Variants in BRAF observed in about 807,000 individuals in gnomAD.
The protein encoded by BRAF is serine/threonine-protein kinase B-raf.
In BRAF, 16 loss-of-function variants were observed where a neutral mutation model predicts 104.6. The ratio of observed to expected loss-of-function variants is 0.15; its 90% CI spans 0.10 to 0.23. BRAF has a LOEUF of 0.23. Ranked by LOEUF, BRAF falls within the 10% of genes least tolerant of loss-of-function variation. BRAF has a pLI of 1.00. For synonymous variants in BRAF, 310 were observed against 341.6 expected, an observed-to-expected ratio of 0.91 and a Z score of 1.02; for missense variants, 541 against 937.3, an observed-to-expected ratio of 0.58 and a Z score of 5.52.
intron 8 of BRAF, among the ~76,000 whole-genome samples, chr7:140,790,062 T>C (rs1341737738): frequency 6.6e-6 from 1 of 151,956 alleles, no homozygotes; most frequent in Non-Finnish European, 1.5e-5. Context: ...ATGATAACTA[T>C]AGGACTTGGT....
intron 1 of BRAF, among the ~76,000 whole-genome samples, chr7:140,908,744 T>C (rs1816615401): frequency 6.6e-6 from 1 of 152,222 alleles, no homozygotes; most frequent in Admixed American, 6.5e-5. Flanking sequence ...ATAGAGTCAC[T>C]GGGGTCCCAT....
chr7:140,738,964 TG>T (rs201456160), intron 18 of BRAF, among the ~76,000 whole-genome samples: 1 of 126,624 alleles, frequency 7.9e-6, no homozygotes, highest in Admixed American at 7.7e-5. Flanking sequence ...CCTTCCAATA[TG>T]GAAAAAAAAA....
chr7:140,774,323 GTAGATGA>G (rs1214718430), intron 14 of BRAF, among the ~76,000 whole-genome samples: 2 of 152,156 alleles, frequency 1.3e-5, no homozygotes, highest in African/African-American at 4.8e-5. Flanking sequence ...GTGTTTCAGA[GTAGATGA>G]CTAAAGTTTA....
intron 14 of BRAF, among the ~76,000 whole-genome samples, chr7:140,772,509 A>T (rs1156319154): frequency 6.6e-6 from 1 of 151,992 alleles, no homozygotes; most frequent in Non-Finnish European, 1.5e-5. Context: ...TTGTAGTCCC[A>T]GCTACTAGGG....
intron 1 of BRAF, among the ~76,000 whole-genome samples, chr7:140,860,991 C>CA (rs1810356439): frequency 6.6e-6 from 1 of 152,044 alleles, no homozygotes; most frequent in Admixed American, 6.5e-5. Context: ...TAAGTCAAAA[C>CA]AAAAAGCTAG....
intron 7 of BRAF, among the ~76,000 whole-genome samples, chr7:140,796,194 T>C (rs1167534794): frequency 6.6e-6 from 1 of 151,740 alleles, no homozygotes; most frequent in Non-Finnish European, 1.5e-5. Flanking sequence ...CTACTAAAAA[T>C]ACAAAAATTA....
intron 17 of BRAF, among the ~76,000 whole-genome samples, chr7:140,742,102 C>T (rs972841075): frequency 6.6e-6 from 1 of 152,154 alleles, no homozygotes; most frequent in South Asian, 2.1e-4. Flanking sequence ...TCAGCCATGT[C>T]ATAGGTCTAT....
intron 3 of BRAF, among the ~76,000 whole-genome samples, chr7:140,827,726 G>A (rs925115336): frequency 1.3e-5 from 2 of 152,118 alleles, no homozygotes; most frequent in East Asian, 1.9e-4. Context: ...GGCCACGACC[G>A]CAGAGGTCAG....
At chr7:140,796,313 T>C (rs1320936301) in intron 7 of BRAF, among the ~76,000 whole-genome samples, 3 of 149,946 alleles carry the variant, frequency 2.0e-5, no homozygotes, top group African/African-American at 5.0e-5. Context: ...ATCACGTCTC[T>C]GCACTCGCCT....
chr7:140,772,224 C>A (rs1208246353), intron 14 of BRAF, among the ~76,000 whole-genome samples: 2 of 152,098 alleles, frequency 1.3e-5, no homozygotes, highest in African/African-American at 4.8e-5. Flanking sequence ...CTAGGACCAT[C>A]CTGTTTGTTC....
chr7:140,875,346 C>T (rs1225769405), intron 1 of BRAF, among the ~76,000 whole-genome samples: 1 of 152,310 alleles, frequency 6.6e-6, no homozygotes, highest in South Asian at 2.1e-4. Flanking sequence ...CACTCTCACA[C>T]ATCATAAAGT....
chr7:140,732,047 T>C (rs1416470760), intron 19 of BRAF: 1 of 146,616 alleles, frequency 6.8e-6, no homozygotes, highest in Admixed American at 6.8e-5. Flanking sequence ...GGCGGGCGCC[T>C]GTAGTCCCAG....
At chr7:140,842,821 GT>G (rs1167869417) in intron 2 of BRAF, among the ~76,000 whole-genome samples, 1 of 152,154 alleles carries the variant, frequency 6.6e-6, no homozygotes, top group African/African-American at 2.4e-5. Flanking sequence ...TCAATAGAAT[GT>G]TAACTGTTAT....
At chr7:140,793,290 G>A (rs1370000302) in intron 8 of BRAF, among the ~76,000 whole-genome samples, 2 of 152,124 alleles carry the variant, frequency 1.3e-5, no homozygotes, top group Non-Finnish European at 2.9e-5. Flanking sequence ...TGGACATATG[G>A]TTTGATTTCT....
intron 14 of BRAF, among the ~76,000 whole-genome samples, chr7:140,765,826 A>C (rs1799261537): frequency 6.6e-6 from 1 of 151,672 alleles, no homozygotes; most frequent in Admixed American, 6.6e-5. Flanking sequence ...ATATGGAGAA[A>C]TAGGAACACT....
chr7:140,818,791 G>A (rs1202760532), intron 3 of BRAF, among the ~76,000 whole-genome samples: 1 of 152,080 alleles, frequency 6.6e-6, no homozygotes, highest in Non-Finnish European at 1.5e-5. Context: ...ACCACATCCA[G>A]GGTCTATCAC....
intron 1 of BRAF, among the ~76,000 whole-genome samples, chr7:140,890,320 T>A (rs1814081770): frequency 6.6e-6 from 1 of 152,188 alleles, no homozygotes. Context: ...ATCTCTGTGG[T>A]TCTACAATGA....
At chr7:140,850,917 G>T (rs2129074210) in intron 1 of BRAF, among the ~76,000 whole-genome samples, 1 of 152,176 alleles carries the variant, frequency 6.6e-6, no homozygotes, top group East Asian at 1.9e-4. Flanking sequence ...CTTTATAAAA[G>T]AAAGGCAAAG....
At chr7:140,734,804 A>AG in intron 18 of BRAF, 34 bp from the exon 18 acceptor site, 1 of 1,426,820 alleles carries the variant, frequency 7.0e-7, no homozygotes, top group Non-Finnish European at 9.1e-7. Flanking sequence ...AAAGAAAAAA[A>AG]AAGAAAAAAG....
Sources: gnomAD v4.1 joint callset for allele counts (sites outside exome capture counted in the v4.1 genomes callset) on GRCh38, gnomAD v4.1.1 for gene constraint, MANE v1.5 for transcripts, NCBI Gene and HGNC (gene_info 2026-07-23, HGNC 2026-07-21) for gene names.